Variants in ARIH2 observed in about 807,000 individuals in gnomAD.
ARIH2 encodes E3 ubiquitin-protein ligase ARIH2.
A neutral mutation model predicts 79.8 loss-of-function variants in ARIH2; 12 were observed. That is an observed-to-expected ratio of 0.15 (90% CI 0.10 to 0.24). The LOEUF (loss-of-function observed/expected upper bound fraction) is 0.24, where lower values mean the gene tolerates loss of function less well. ARIH2 is among the 10% of genes least tolerant of loss of function. The pLI is 1.00. For missense variants in ARIH2, 301 were observed against 618.3 expected (o/e 0.49, Z 5.44); for synonymous variants, 224 against 213.9 (o/e 1.05, Z -0.41).
chr3:48,975,255 A>G (rs1230067482), intron 11 of ARIH2: 2 of 577,180 alleles, frequency 3.5e-6, no homozygotes, highest in East Asian at 6.1e-5. Flanking sequence ...AGATGATTTC[A>G]GGGTGTTGCT....
rs568917072 is a variant in ARIH2, at chr3:48,948,498, G to C, written c.256-13114G>C. Reference sequence around the variant, plus strand: ...AGATGGAGTTTCTCCATGTTGGTCAGGCTGGTCTGGAACTCCCAACCTCAG... The same window carrying C: ...AGATGGAGTTTCTCCATGTTGGTCACGCTGGTCTGGAACTCCCAACCTCAG... On this transcript the variant is annotated intron_variant, in intron 3 of 15. Transcript: ENST00000356401. 2.7e-4 allele frequency among the ~76,000 whole-genome samples: 41 copies of C among 151,274 alleles called. 1 individual carries two copies. The South Asian group carries it at 3.8e-3, about 14-fold the overall frequency.
chr3:48,954,228 G>A (rs1000120498), intron 3 of ARIH2, among the ~76,000 whole-genome samples: 5 of 152,062 alleles, frequency 3.3e-5, no homozygotes, highest in African/African-American at 1.2e-4. Flanking sequence ...GGCCGAGGCA[G>A]GCGGATCACA....
intron 3 of ARIH2, among the ~76,000 whole-genome samples, chr3:48,930,197 G>C (rs1214537517): frequency 6.6e-6 from 1 of 152,200 alleles, no homozygotes; most frequent in Non-Finnish European, 1.5e-5. Flanking sequence ...CTTGACCAAA[G>C]AGACTGGACA....
intron 3 of ARIH2, among the ~76,000 whole-genome samples, chr3:48,953,740 C>T (rs780312723): frequency 1.4e-4 from 21 of 151,800 alleles, no homozygotes; most frequent in Non-Finnish European, 2.8e-4. Context: ...TGAGTCACCC[C>T]GGCTGGAGCG....
At chr3:48,979,813 T>C (rs952011909) in intron 12 of ARIH2, 180 bp downstream of exon 12, 2 of 602,530 alleles carry the variant, frequency 3.3e-6, no homozygotes, top group Non-Finnish European at 5.5e-6. Flanking sequence ...CTATAGGGTA[T>C]ATCCCCAGCC....
At chr3:48,937,221 G>C (rs1025960286) in intron 3 of ARIH2, among the ~76,000 whole-genome samples, 1 of 152,160 alleles carries the variant, frequency 6.6e-6, no homozygotes, top group African/African-American at 2.4e-5. Context: ...TCTTTTCCTG[G>C]TAAGCTAACA....
intron 3 of ARIH2, among the ~76,000 whole-genome samples, chr3:48,931,642 C>G (rs1324358890): frequency 6.6e-6 from 1 of 152,088 alleles, no homozygotes. Flanking sequence ...GTTGCCCAGG[C>G]TGATCTCAAA....
At position 48,980,474 on chromosome 3, in the gene ARIH2, A is replaced by T. The variant is rs772190175; in HGVS notation, c.1235A>T (p.Asn412Ile). Reference sequence around the variant, plus strand: ...TGGATCGACTGGCAGTACCTACAGAATGCTGCCAAGCTCTTGGCCAAGGTA... The same window carrying T: ...TGGATCGACTGGCAGTACCTACAGATTGCTGCCAAGCTCTTGGCCAAGGTA... ...GTWIDWQYLQ[N>I]AAKLLAKCRY... Residue 412 changes from asparagine (N) to isoleucine (I), a missense_variant, in exon 13 of 16, where the codon AAT (asparagine) becomes ATT (isoleucine). Transcript: ENST00000356401. The T allele has an allele frequency of 1.3e-5, 21 of 1,614,004 alleles. No individual in the cohort carries two copies. The Admixed American group carries it at 2.2e-4, about 17-fold the overall frequency.
At chr3:48,925,414 ATTTCTT>A (rs1220574745) in intron 2 of ARIH2, among the ~76,000 whole-genome samples, 1 of 108,354 alleles carries the variant, frequency 9.2e-6, no homozygotes, top group Non-Finnish European at 1.9e-5. Flanking sequence ...CGCCCAGCTG[ATTTCTT>A]TTTTTTTTTT....
intron 7 of ARIH2, 101 bp downstream of exon 7, chr3:48,968,756 A>G: frequency 6.7e-7 from 1 of 1,486,810 alleles, no homozygotes; most frequent in Non-Finnish European, 9.0e-7. Flanking sequence ...ACATTAAGTG[A>G]TAGTGTTCAA....
At chr3:48,977,375 G>A (rs931145210) in intron 11 of ARIH2, among the ~76,000 whole-genome samples, 3 of 151,582 alleles carry the variant, frequency 2.0e-5, no homozygotes, top group Non-Finnish European at 4.4e-5. Context: ...GTGCGATCTC[G>A]GCTCACTGCA....
At chr3:48,935,809 A>G (rs759325957) in intron 3 of ARIH2, among the ~76,000 whole-genome samples, 2 of 152,164 alleles carry the variant, frequency 1.3e-5, no homozygotes, top group Non-Finnish European at 2.9e-5. Flanking sequence ...TCCTTAAAAC[A>G]CATTCTCAGG....
At chr3:48,932,294 G>A (rs2086482713) in intron 3 of ARIH2, among the ~76,000 whole-genome samples, 1 of 152,206 alleles carries the variant, frequency 6.6e-6, no homozygotes, top group Admixed American at 6.5e-5. Context: ...AAATGGAATA[G>A]TCAAATGAGA....
intron 3 of ARIH2, chr3:48,945,065 T>G: frequency 1.6e-6 from 2 of 1,245,234 alleles, no homozygotes; most frequent in Non-Finnish European, 2.1e-6. Context: ...CATGTAGCCT[T>G]AAAAGATTTC....
At chr3:48,946,086 A>G (rs568024056) in intron 3 of ARIH2, among the ~76,000 whole-genome samples, 3 of 152,276 alleles carry the variant, frequency 2.0e-5, no homozygotes, top group Admixed American at 2.0e-4. Flanking sequence ...CTGAGATTGT[A>G]GATTTGCATG....
chr3:48,972,288 G>A (rs2092280954), intron 8 of ARIH2, among the ~76,000 whole-genome samples: 1 of 152,106 alleles, frequency 6.6e-6, no homozygotes, highest in South Asian at 2.1e-4. Flanking sequence ...TTCTGCCTTA[G>A]CCTCCCAAGT....
intron 11 of ARIH2, among the ~76,000 whole-genome samples, chr3:48,977,186 A>G (rs2092554109): frequency 6.6e-6 from 1 of 151,960 alleles, no homozygotes; most frequent in Non-Finnish European, 1.5e-5. Context: ...TGGGCAACAG[A>G]GTGAGACTCC....
At chr3:48,938,940 C>T (rs1369968827) in intron 3 of ARIH2, among the ~76,000 whole-genome samples, 1 of 125,152 alleles carries the variant, frequency 8.0e-6, no homozygotes, top group African/African-American at 3.0e-5. Context: ...AAAAAAAAAA[C>T]CAACTACATA....
rs746588585 is a variant in ARIH2, at chr3:48,979,772, G to GTGC, written c.1113+143_1113+145dup. On this transcript the variant is annotated intron_variant, in intron 12 of 15. Transcript: ENST00000356401. ...GAATGGAGCTCCTGCAGTATCCCTG[G>GTGC]TGCTGCCTCTATAGATGTGCCTTTC... 7.7e-5 allele frequency: 68 copies of GTGC among 885,380 alleles called. 1 individual carries two copies. In the East Asian group the frequency reaches 1.1e-3, roughly 14 times the overall value. 54.8% of individuals were successfully genotyped at this position (885,380 alleles called of 1,614,324 possible).
Sources: gnomAD v4.1 joint callset for allele counts (sites outside exome capture counted in the v4.1 genomes callset) on GRCh38, gnomAD v4.1.1 for gene constraint, MANE v1.5 for transcripts, NCBI Gene and HGNC (gene_info 2026-07-23, HGNC 2026-07-21) for gene names.